SNTG2: variants seen among roughly 807,000 people sequenced by gnomAD.
SNTG2 encodes the protein syntrophin gamma 2, also known as gamma-2-syntrophin.
A neutral mutation model predicts 70.9 loss-of-function variants in SNTG2; 74 were observed. The ratio of observed to expected loss-of-function variants is 1.04; its 90% CI spans 0.86 to 1.27. SNTG2 has a LOEUF of 1.27. Among genes scored for constraint, SNTG2 ranks in the 50% most tolerant of loss-of-function variants. SNTG2 has a pLI of 0.00. For synonymous variants in SNTG2, 278 were observed against 273.8 expected, an observed-to-expected ratio of 1.02 and a Z score of -0.15; for missense variants, 717 against 690.7, an observed-to-expected ratio of 1.04 and a Z score of -0.43.
intron 8 of SNTG2, among the ~76,000 whole-genome samples, chr2:1,202,259 A>G (rs2147971183): frequency 6.6e-6 from 1 of 152,272 alleles, no homozygotes; most frequent in South Asian, 2.1e-4. Context: ...GGACTTGATA[A>G]TGTATGTAGA....
At chr2:987,030 A>C (rs1661347257) in intron 1 of SNTG2, among the ~76,000 whole-genome samples, 1 of 152,246 alleles carries the variant, frequency 6.6e-6, no homozygotes, top group South Asian at 2.1e-4. Context: ...TCATGTCCTT[A>C]GCATGTGCTG....
At chr2:1,311,096 C>G (rs910740736) in intron 15 of SNTG2, among the ~76,000 whole-genome samples, 1 of 152,200 alleles carries the variant, frequency 6.6e-6, no homozygotes, top group Non-Finnish European at 1.5e-5. Flanking sequence ...GCCCTCTACC[C>G]GCTCTCTCTG....
chr2:1,304,641 G>A (rs552125290), intron 14 of SNTG2, among the ~76,000 whole-genome samples: 3 of 151,516 alleles, frequency 2.0e-5, no homozygotes, highest in Admixed American at 2.0e-4. Context: ...CAGGAGAATC[G>A]CTTGAACCCA....
intron 4 of SNTG2, among the ~76,000 whole-genome samples, chr2:1,129,799 T>C (rs1667911198): frequency 6.6e-6 from 1 of 152,206 alleles, no homozygotes; most frequent in Non-Finnish European, 1.5e-5. Context: ...TAATACATCA[T>C]TGCAAAGTTT....
At chr2:1,288,772 ACT>A (rs1484924761) in intron 14 of SNTG2, among the ~76,000 whole-genome samples, 18 of 152,078 alleles carry the variant, frequency 1.2e-4, no homozygotes, top group East Asian at 3.9e-4. Flanking sequence ...ACACATGCAC[ACT>A]CATGCACATT....
At chr2:1,199,914 T>C (rs1673172444) in intron 8 of SNTG2, among the ~76,000 whole-genome samples, 1 of 152,024 alleles carries the variant, frequency 6.6e-6, no homozygotes, top group Admixed American at 6.5e-5. Context: ...TCAAAAGAAT[T>C]AATATAGTAA....
intron 4 of SNTG2, among the ~76,000 whole-genome samples, chr2:1,125,693 T>C (rs546576643): frequency 1.3e-5 from 2 of 152,216 alleles, no homozygotes; most frequent in South Asian, 4.2e-4. Flanking sequence ...TGTTTTAATT[T>C]TGATGTGTGT....
intron 9 of SNTG2, among the ~76,000 whole-genome samples, chr2:1,221,367 C>A (rs550558665): frequency 6.6e-6 from 1 of 152,140 alleles, no homozygotes; most frequent in African/African-American, 2.4e-5. Context: ...CTCTGCCTCT[C>A]TCTGTGTCTC....
chr2:1,200,709 A>G (rs1378755505), intron 8 of SNTG2, among the ~76,000 whole-genome samples: 2 of 152,046 alleles, frequency 1.3e-5, no homozygotes, highest in African/African-American at 4.8e-5. Flanking sequence ...AATACTGGGC[A>G]AAGTATCTGA....
intron 1 of SNTG2, among the ~76,000 whole-genome samples, chr2:1,053,162 A>G (rs2148084954): frequency 1.3e-5 from 2 of 152,284 alleles, no homozygotes; most frequent in Middle Eastern, 3.4e-3. Context: ...ACAGTGTTCA[A>G]CAGACATCAG....
chr2:1,325,387 ACTCTG>A, intron 16 of SNTG2, among the ~76,000 whole-genome samples: 2 of 152,342 alleles, frequency 1.3e-5, no homozygotes, highest in South Asian at 4.1e-4. Context: ...AGACTTTTTT[ACTCTG>A]TAAACAAAAT....
chr2:1,197,864 A>G (rs903372663), intron 8 of SNTG2, among the ~76,000 whole-genome samples: 13 of 152,188 alleles, frequency 8.5e-5, no homozygotes, highest in Non-Finnish European at 1.8e-4. Context: ...GCAACTATTT[A>G]TTAGTTCTAA....
chr2:1,029,751 C>T (rs1161240679), intron 1 of SNTG2, among the ~76,000 whole-genome samples: 1 of 152,192 alleles, frequency 6.6e-6, no homozygotes, highest in Non-Finnish European at 1.5e-5. Context: ...TAAGTCAGCC[C>T]TGACTCTTCT....
chr2:1,315,282 A>T (rs1343402693), intron 15 of SNTG2, among the ~76,000 whole-genome samples: 1 of 152,224 alleles, frequency 6.6e-6, no homozygotes, highest in East Asian at 1.9e-4. Context: ...TAATATAAAG[A>T]AAAAGATGTG....
chr2:1,247,550 G>C (rs1038875091), intron 12 of SNTG2, 107 bp downstream of exon 12: 5 of 744,174 alleles, frequency 6.7e-6, no homozygotes, highest in Non-Finnish European at 2.3e-6. Context: ...CAGAGTGCTT[G>C]GTCCTGCCGT....
intron 8 of SNTG2, among the ~76,000 whole-genome samples, chr2:1,205,070 ACCTTTTTATATTT>A (rs1252014834): frequency 1.3e-5 from 2 of 152,118 alleles, no homozygotes; most frequent in Non-Finnish European, 2.9e-5. Flanking sequence ...GTTTTTTTTA[ACCTTTTTATATTT>A]CCCATCTTTT....
At chr2:984,668 C>G (rs1332742136) in intron 1 of SNTG2, among the ~76,000 whole-genome samples, 3 of 152,194 alleles carry the variant, frequency 2.0e-5, no homozygotes, top group Admixed American at 6.5e-5. Context: ...TTGGCACATC[C>G]TGCCATCATC....
At chr2:1,045,087 T>G (rs1661656796) in intron 1 of SNTG2, among the ~76,000 whole-genome samples, 1 of 152,130 alleles carries the variant, frequency 6.6e-6, no homozygotes, top group South Asian at 2.1e-4. Context: ...ATTGGTATAT[T>G]CAGGGTTTCA....
intron 6 of SNTG2, among the ~76,000 whole-genome samples, chr2:1,141,568 T>C (rs4273253): frequency 0.99 from 150,441 of 152,336 alleles, 74,311 homozygotes; most frequent in East Asian, 1. Context: ...TATTTGCTTT[T>C]TGCCTGAGCC....
Sources: gnomAD v4.1 joint callset for allele counts (sites outside exome capture counted in the v4.1 genomes callset) on GRCh38, gnomAD v4.1.1 for gene constraint, MANE v1.5 for transcripts, NCBI Gene and HGNC (gene_info 2026-07-23, HGNC 2026-07-21) for gene names.